ALOX5: variants seen among roughly 807,000 people sequenced by gnomAD.
ALOX5 encodes arachidonate 5-lipoxygenase, also known as polyunsaturated fatty acid 5-lipoxygenase.
In ALOX5, 64 loss-of-function variants were observed where a neutral mutation model predicts 87.9. That is an observed-to-expected ratio of 0.73 (90% CI 0.60 to 0.90). The LOEUF is 0.90. Among genes scored for constraint, ALOX5 ranks in the 40% least tolerant of loss-of-function variants. ALOX5 has a pLI of 0.00. For synonymous variants in ALOX5, 388 were observed against 355.1 expected (o/e 1.09, Z -1.04); for missense variants, 822 against 907.5 (o/e 0.91, Z 1.21).
rs777104013 is a variant in ALOX5, at chr10:45,443,574, C to T, written c.1573+37C>T. The T allele has an allele frequency of 1.9e-6, 3 of 1,600,012 alleles. No individual in the cohort carries two copies. In the Admixed American group the frequency reaches 5.0e-5, roughly 27 times the overall value. On this transcript the variant is annotated intron_variant, in intron 11 of 13. Transcript: ENST00000374391. Reference sequence around the variant, plus strand: ...GGGACGTCTCCGGACCCGGCTCCCCCGCAGTCGGCAGCGCTGGCCCCTCCG... The same window carrying T: ...GGGACGTCTCCGGACCCGGCTCCCCTGCAGTCGGCAGCGCTGGCCCCTCCG...
chr10:45,433,532 C>T (rs1294966279), intron 7 of ALOX5, among the ~76,000 whole-genome samples: 1 of 152,230 alleles, frequency 6.6e-6, no homozygotes, highest in African/African-American at 2.4e-5. Flanking sequence ...AAGACCGGAA[C>T]TCCCTGATGG....
intron 12 of ALOX5, 89 bp downstream of exon 12, chr10:45,443,917 T>A (rs1842339997): frequency 6.8e-7 from 1 of 1,468,624 alleles, no homozygotes; most frequent in Non-Finnish European, 9.2e-7. Context: ...TACTGCACCC[T>A]CGGACAGCCT....
At chr10:45,400,925 AT>A in intron 3 of ALOX5, among the ~76,000 whole-genome samples, 1 of 152,328 alleles carries the variant, frequency 6.6e-6, no homozygotes, top group African/African-American at 2.4e-5. Context: ...TTGATAGCAT[AT>A]TTTTAAGGGG....
rs143505389 is a variant in ALOX5 at position 45,424,104 on chromosome 10, C to A, written c.618C>A (p.Ala206=). 9.9e-6 allele frequency: 16 copies of A among 1,614,050 alleles called. No individual in the cohort carries two copies. The highest frequency in any genetic ancestry group is 1.4e-5 in the Non-Finnish European group (16 of 1,180,034). Residue 206 remains alanine (A), a synonymous_variant, in exon 5 of 14, where the codon GCC becomes GCA. Coordinates refer to ENST00000374391, the MANE Select transcript of ALOX5 (RefSeq NM_000698.5). ...HMFQSSWNDF[A]DFEKIFVKIS... is the part of the protein sequence containing the mutation. ...TCCAGTCTTCTTGGAATGACTTCGCCGACTTTGAGAAAATCTTTGTCAAGA... is the reference window on the plus strand; with the variant it reads ...TCCAGTCTTCTTGGAATGACTTCGCAGACTTTGAGAAAATCTTTGTCAAGA...
chr10:45,437,742 A>C (rs1842101372), intron 7 of ALOX5, among the ~76,000 whole-genome samples: 1 of 152,222 alleles, frequency 6.6e-6, no homozygotes, highest in African/African-American at 2.4e-5. Flanking sequence ...GAAAAGTTTT[A>C]AGTTATTAGC....
chr10:45,412,418 A>G, intron 4 of ALOX5, 105 bp downstream of exon 4: 1 of 1,420,776 alleles, frequency 7.0e-7, no homozygotes, highest in Non-Finnish European at 9.6e-7. Context: ...TTGGGGGAAC[A>G]GCCTAGCTGA....
intron 1 of ALOX5, among the ~76,000 whole-genome samples, chr10:45,377,394 G>A (rs966835649): frequency 8.2e-5 from 12 of 145,852 alleles, no homozygotes; most frequent in African/African-American, 2.6e-4. Context: ...AATGCCCCCC[G>A]TTTCTGCTCT....
chr10:45,441,983 C>A (rs1260061234), intron 9 of ALOX5, among the ~76,000 whole-genome samples: 1 of 152,192 alleles, frequency 6.6e-6, no homozygotes, highest in Non-Finnish European at 1.5e-5. Flanking sequence ...CCCCAACCTT[C>A]CTCCTTTCCC....
chr10:45,406,410 G>A (rs1225271342), intron 3 of ALOX5, among the ~76,000 whole-genome samples: 1 of 152,152 alleles, frequency 6.6e-6, no homozygotes, highest in East Asian at 1.9e-4. Context: ...ATATCTCACT[G>A]TTCTTTCTTA....
chr10:45,412,137 G>T (rs1841085711), intron 3 of ALOX5, 54 bp from the exon 4 acceptor site: 3 of 1,611,234 alleles, frequency 1.9e-6, no homozygotes, highest in Non-Finnish European at 2.5e-6. Context: ...TCAGCTGAGG[G>T]GGCAGACCAA....
chr10:45,427,399 C>T (rs1004140545), intron 6 of ALOX5, among the ~76,000 whole-genome samples: 1 of 152,224 alleles, frequency 6.6e-6, no homozygotes, highest in Non-Finnish European at 1.5e-5. Context: ...GGATAGTCCC[C>T]GTCCCCACCC....
intron 4 of ALOX5, among the ~76,000 whole-genome samples, chr10:45,420,483 G>C (rs890500811): frequency 2.6e-5 from 4 of 152,260 alleles, no homozygotes; most frequent in African/African-American, 9.6e-5. Context: ...GGTTCTCAAA[G>C]TATAGCTTGC....
At chr10:45,438,942 G>T (rs1842138989) in intron 7 of ALOX5, among the ~76,000 whole-genome samples, 3 of 152,194 alleles carry the variant, frequency 2.0e-5, no homozygotes, top group Admixed American at 1.3e-4. Context: ...TCTGACCAGG[G>T]TGGAGCCACT....
intron 2 of ALOX5, among the ~76,000 whole-genome samples, chr10:45,391,941 A>AG: frequency 6.9e-6 from 1 of 145,440 alleles, no homozygotes; most frequent in African/African-American, 2.6e-5. Context: ...CCGTCTGGGA[A>AG]GTGAGGAGCG....
intron 2 of ALOX5, among the ~76,000 whole-genome samples, chr10:45,392,793 T>C (rs1457768933): frequency 3.3e-5 from 5 of 150,688 alleles, no homozygotes; most frequent in African/African-American, 1.2e-4. Flanking sequence ...TCCACAGAAA[T>C]ACAAACTACC....
At chr10:45,440,715 G>GA (rs3214997) in intron 8 of ALOX5, 82 bp downstream of exon 8, 36,717 of 1,454,454 alleles carry the variant, frequency 0.025, 643 homozygotes, top group South Asian at 0.071. Flanking sequence ...CCCACAGGGG[G>GA]ACCTGTGGCT....
chr10:45,381,996 C>T (rs1839847094), intron 1 of ALOX5, among the ~76,000 whole-genome samples: 1 of 152,234 alleles, frequency 6.6e-6, no homozygotes, highest in Admixed American at 6.5e-5. Flanking sequence ...CGAAAGCCTA[C>T]AGATTTCTTT....
chr10:45,387,534 G>A (rs1840050737), intron 2 of ALOX5, among the ~76,000 whole-genome samples: 1 of 152,178 alleles, frequency 6.6e-6, no homozygotes, highest in Admixed American at 6.5e-5. Context: ...CTGCACCAGG[G>A]GCCCTTAGGT....
Position 45,444,206 on chromosome 10 carries a change from G to T in ALOX5, c.1765G>T (p.Val589Leu). Residue 589 changes from valine (V) to leucine (L), a missense_variant, in exon 13 of 14, where the codon GTG becomes TTG. Transcript: ENST00000374391. ...AKGVVTIEQI[V>L]DTLPDRGRSC... is the part of the protein sequence containing the mutation. ...GGGCGTGGTGACCATTGAGCAGATC[G>T]TGGACACGCTGCCCGACCGCGGCCG... 6.4e-7 allele frequency: 1 copy of T among 1,555,930 alleles called. No homozygotes were observed.
Sources: gnomAD v4.1 joint callset for allele counts (sites outside exome capture counted in the v4.1 genomes callset) on GRCh38, gnomAD v4.1.1 for gene constraint, MANE v1.5 for transcripts, NCBI Gene and HGNC (gene_info 2026-07-23, HGNC 2026-07-21) for gene names.